The following PPM1G variants were observed in gnomAD, a reference collection of about 807,000 sequenced individuals.
PPM1G encodes protein phosphatase 1G.
Under a neutral mutation model 59.4 loss-of-function variants are expected in PPM1G, and 12 were observed. The observed-to-expected ratio is 0.20, with a 90% CI of 0.13 to 0.33. The LOEUF is 0.33. Among genes scored for constraint, PPM1G ranks in the 10% least tolerant of loss-of-function variants. The pLI, the probability that PPM1G is intolerant of heterozygous loss-of-function variation, is 1.00. For missense variants in PPM1G, 392 were observed against 681.3 expected (o/e 0.58, Z 4.73); for synonymous variants, 245 against 251.9 (o/e 0.97, Z 0.26).
chr2:27,392,286 GTTTT>G (rs70953857), intron 1 of PPM1G, among the ~76,000 whole-genome samples: 29 of 70,414 alleles, frequency 4.1e-4, no homozygotes, highest in African/African-American at 1.5e-3. Flanking sequence ...GGTTTGTTTT[GTTTT>G]TTTTTTTTTT....
intron 1 of PPM1G, among the ~76,000 whole-genome samples, chr2:27,399,010 G>T (rs1428593658): frequency 6.6e-6 from 1 of 151,688 alleles, no homozygotes; most frequent in Non-Finnish European, 1.5e-5. Flanking sequence ...TGGGAGTGGT[G>T]GCACACACCT....
At chr2:27,386,066 G>C in intron 3 of PPM1G, 128 bp downstream of exon 3, 1 of 1,244,980 alleles carries the variant, frequency 8.0e-7, no homozygotes, top group Non-Finnish European at 1.1e-6. Flanking sequence ...GCTCGTTTTA[G>C]GAACAGAATT....
At chr2:27,396,922 T>A (rs1186347761) in intron 1 of PPM1G, among the ~76,000 whole-genome samples, 1 of 151,720 alleles carries the variant, frequency 6.6e-6, no homozygotes, top group Non-Finnish European at 1.5e-5. Flanking sequence ...CAGGCTGGAG[T>A]ACAATGGCAC....
Position 27,393,362 on chromosome 2 carries a change from C to A in PPM1G, c.121-6204G>T, listed in dbSNP as rs549901101. On this transcript the variant is annotated intron_variant, in intron 1 of 9. Transcript: ENST00000344034. The stretch of plus-strand genomic sequence containing the variant: ...GGCGCACCTGCGAGGTAGACGCGGT[C>A]GTCATGCCGGCGACTAAGGAGAGGC... 1.9e-6 allele frequency: 3 copies of A among 1,585,688 alleles called. No individual in the cohort carries two copies. In the South Asian group the frequency reaches 3.3e-5, roughly 18 times the overall value.
intron 1 of PPM1G, among the ~76,000 whole-genome samples, chr2:27,400,973 A>G (rs1402743317): frequency 6.6e-6 from 1 of 152,220 alleles, no homozygotes; most frequent in Non-Finnish European, 1.5e-5. Context: ...GCCACAGAAA[A>G]GTCTAAAAAC....
intron 1 of PPM1G, among the ~76,000 whole-genome samples, chr2:27,396,917 T>A (rs1412156735): frequency 6.6e-6 from 1 of 152,050 alleles, no homozygotes; most frequent in Non-Finnish European, 1.5e-5. Context: ...TTGCCCAGGC[T>A]GGAGTACAAT....
At chr2:27,407,546 C>A (rs1258925894) in intron 1 of PPM1G, among the ~76,000 whole-genome samples, 1 of 152,014 alleles carries the variant, frequency 6.6e-6, no homozygotes, top group Non-Finnish European at 1.5e-5. Flanking sequence ...GGATTACAGA[C>A]GTGAGCCACT....
chr2:27,386,897 C>A, intron 2 of PPM1G, 192 bp downstream of exon 2: 1 of 497,848 alleles, frequency 2.0e-6, no homozygotes, highest in Admixed American at 3.6e-5. Context: ...AAAACAAGTC[C>A]TGGTGAGATT....
chr2:27,406,774 A>G (rs1420622767), intron 1 of PPM1G, among the ~76,000 whole-genome samples: 1 of 152,138 alleles, frequency 6.6e-6, no homozygotes, highest in Non-Finnish European at 1.5e-5. Context: ...GTACCAAAGA[A>G]ATGAAAAAAC....
At chr2:27,396,428 G>A (rs1337155343) in intron 1 of PPM1G, among the ~76,000 whole-genome samples, 1 of 152,136 alleles carries the variant, frequency 6.6e-6, no homozygotes, top group Non-Finnish European at 1.5e-5. Flanking sequence ...CTCATTTAAT[G>A]GGTATGGAGT....
At position 27,384,601 on chromosome 2, in the gene PPM1G, G is replaced by GAA; in HGVS notation, c.825+70_825+71dup. On this transcript the variant is annotated intron_variant, in intron 5 of 9. Coordinates refer to ENST00000344034, the MANE Select transcript of PPM1G (RefSeq NM_177983.3). This position sits in a 1 kb window ranked among gnomAD's most constrained non-coding sequence, Gnocchi z 4.8. ...CAAAATAGGAGAAGGAAAGAGAGTTGAAAACTACAGACGGCAACCAAACAG... is the reference window on the plus strand; with the variant it reads ...CAAAATAGGAGAAGGAAAGAGAGTTGAAAAAACTACAGACGGCAACCAAACAG... 1.3e-6 allele frequency: 2 copies of GAA among 1,502,872 alleles called. No homozygotes were observed. Among genetic ancestry groups the GAA allele is most frequent in the South Asian group, 2.6e-5 (2 of 75,726 alleles). 93.1% of individuals were successfully genotyped at this position (1,502,872 alleles called of 1,614,324 possible).
chr2:27,385,908 A>T lies in PPM1G; in HGVS notation c.277-29T>A. The T allele has an allele frequency of 6.2e-7, 1 of 1,602,676 alleles. No homozygotes were observed. The highest frequency in any genetic ancestry group is 8.5e-7 in the Non-Finnish European group (1 of 1,176,636). On this transcript the variant is annotated intron_variant, in intron 3 of 9. Coordinates refer to ENST00000344034, the MANE Select transcript of PPM1G (RefSeq NM_177983.3). This position sits in a 1 kb window ranked among gnomAD's most constrained non-coding sequence, Gnocchi z 4.1. ...AATATAAGCAAAATAGTCTAAGACT[A>T]GTACAAAATGAACTCCCTATATACA...
At chr2:27,403,136 T>C (rs1169547925) in intron 1 of PPM1G, among the ~76,000 whole-genome samples, 2 of 151,864 alleles carry the variant, frequency 1.3e-5, no homozygotes, top group Admixed American at 1.3e-4. Flanking sequence ...TCAAAATAAA[T>C]ACATAAATAA....
intron 1 of PPM1G, chr2:27,392,800 C>A: frequency 6.7e-7 from 1 of 1,487,778 alleles, no homozygotes; most frequent in Non-Finnish European, 9.3e-7. Flanking sequence ...TTCATTATCA[C>A]TGTCTCCCAG....
intron 1 of PPM1G, among the ~76,000 whole-genome samples, chr2:27,400,660 G>A (rs1684160507): frequency 6.6e-6 from 1 of 152,176 alleles, no homozygotes; most frequent in Non-Finnish European, 1.5e-5. Context: ...TTAACTAGGA[G>A]ATAAGAGAAA....
intron 1 of PPM1G, among the ~76,000 whole-genome samples, chr2:27,389,796 T>C (rs970931267): frequency 6.6e-6 from 1 of 151,974 alleles, no homozygotes; most frequent in Non-Finnish European, 1.5e-5. Flanking sequence ...AGACCCCGCC[T>C]CTACAAAAAA....
Position 27,384,594 on chromosome 2 carries a change from G to T in PPM1G, c.825+79C>A. On this transcript the variant is annotated intron_variant, in intron 5 of 9. Coordinates refer to ENST00000344034, the MANE Select transcript of PPM1G (RefSeq NM_177983.3). The surrounding 1 kb of genome is among the most constrained non-coding windows in gnomAD (Gnocchi z 4.8). ...ATGATGTCAAAATAGGAGAAGGAAAGAGAGTTGAAAACTACAGACGGCAAC... is the reference window on the plus strand; with the variant it reads ...ATGATGTCAAAATAGGAGAAGGAAATAGAGTTGAAAACTACAGACGGCAAC... The T allele has an allele frequency of 6.8e-7, 1 of 1,474,250 alleles. No individual in the cohort carries two copies. The allele number at this position is 1,474,250 out of a possible 1,614,324, so 91.3% of individuals were successfully genotyped here.
chr2:27,390,135 G>A (rs1683864756), intron 1 of PPM1G, among the ~76,000 whole-genome samples: 1 of 151,822 alleles, frequency 6.6e-6, no homozygotes. Flanking sequence ...TCCTGCCTCA[G>A]TCTCCTGAGT....
intron 1 of PPM1G, among the ~76,000 whole-genome samples, chr2:27,400,948 C>A (rs1374655243): frequency 1.3e-5 from 2 of 152,190 alleles, no homozygotes; most frequent in Admixed American, 1.3e-4. Flanking sequence ...CAAGGATACA[C>A]AGCAGGTGGT....
Sources: gnomAD v4.1 joint callset for allele counts (sites outside exome capture counted in the v4.1 genomes callset) on GRCh38, gnomAD v4.1.1 for gene constraint, Gnocchi (gnomAD v3.1) non-coding constraint, MANE v1.5 for transcripts, NCBI Gene and HGNC (gene_info 2026-07-23, HGNC 2026-07-21) for gene names.